The following KCNMA1 variants were observed in gnomAD, a reference collection of about 807,000 sequenced individuals.
KCNMA1 encodes potassium calcium-activated channel subfamily M alpha 1, also known as Calcium-activated potassium channel subunit alpha-1.
Under a neutral mutation model 140.0 loss-of-function variants are expected in KCNMA1, and 29 were observed. That is an observed-to-expected ratio of 0.21 (90% CI 0.15 to 0.28). The LOEUF (loss-of-function observed/expected upper bound fraction) is 0.28, where lower values mean the gene tolerates loss of function less well. KCNMA1 is among the 10% of genes least tolerant of loss of function. The pLI is 1.00. For synonymous variants in KCNMA1, 612 were observed against 611.9 expected, an observed-to-expected ratio of 1.00 and a Z score of 0.00; for missense variants, 880 against 1,602.2, an observed-to-expected ratio of 0.55 and a Z score of 7.70.
At chr10:77,094,699 T>G (rs1455854620) in intron 9 of KCNMA1, among the ~76,000 whole-genome samples, 1 of 152,152 alleles carries the variant, frequency 6.6e-6, no homozygotes, top group African/African-American at 2.4e-5. Context: ...TATTTTATAT[T>G]ATATTTTATT....
At chr10:76,946,631 G>GAGAAT (rs2064048432) in intron 22 of KCNMA1, among the ~76,000 whole-genome samples, 1 of 152,200 alleles carries the variant, frequency 6.6e-6, no homozygotes, top group African/African-American at 2.4e-5. Context: ...TTGAGAGAAG[G>GAGAAT]AGAATGCCCT....
intron 1 of KCNMA1, among the ~76,000 whole-genome samples, chr10:77,517,523 C>T (rs936057767): frequency 6.6e-6 from 1 of 152,186 alleles, no homozygotes; most frequent in South Asian, 2.1e-4. Context: ...AGCAGCCAGG[C>T]TGGGGATGCT....
chr10:77,182,923 A>G (rs1022866464), intron 5 of KCNMA1, among the ~76,000 whole-genome samples: 5 of 152,308 alleles, frequency 3.3e-5, no homozygotes, highest in Middle Eastern at 3.4e-3. Context: ...AGTCTCCTGT[A>G]AGGTGAGAGA....
chr10:77,271,588 T>G (rs191055414), intron 2 of KCNMA1, among the ~76,000 whole-genome samples: 87 of 152,338 alleles, frequency 5.7e-4, no homozygotes, highest in African/African-American at 1.9e-3. Context: ...TTAATATGTT[T>G]GTAAAACACT....
intron 19 of KCNMA1, among the ~76,000 whole-genome samples, chr10:76,981,596 G>C (rs1186194805): frequency 6.6e-6 from 1 of 152,184 alleles, no homozygotes; most frequent in African/African-American, 2.4e-5. Context: ...TGGCGGGGTA[G>C]AGAGGCAGTG....
intron 18 of KCNMA1, among the ~76,000 whole-genome samples, chr10:77,006,544 T>C (rs1187858145): frequency 3.3e-5 from 5 of 152,208 alleles, no homozygotes; most frequent in African/African-American, 4.8e-5. Flanking sequence ...AGAAATGATG[T>C]CTTCACTTAG....
intron 1 of KCNMA1, among the ~76,000 whole-genome samples, chr10:77,419,495 G>A (rs1047031462): frequency 3.9e-5 from 6 of 152,146 alleles, no homozygotes; most frequent in African/African-American, 1.2e-4. Flanking sequence ...TAGGCAGAAA[G>A]AGTTGTTACT....
At chr10:77,279,881 A>C (rs1285827350) in intron 2 of KCNMA1, among the ~76,000 whole-genome samples, 1 of 152,148 alleles carries the variant, frequency 6.6e-6, no homozygotes, top group Admixed American at 6.5e-5. Flanking sequence ...GCTTTCTGTC[A>C]TGATTGTGAG....
intron 3 of KCNMA1, among the ~76,000 whole-genome samples, chr10:77,186,776 A>AGTGTGTGTGTGTGT (rs1565084288): frequency 2.2e-5 from 2 of 89,952 alleles, no homozygotes; most frequent in African/African-American, 9.4e-5. Context: ...CTAAAGAGTA[A>AGTGTGTGTGTGTGT]ATGTGTGTGT....
intron 1 of KCNMA1, among the ~76,000 whole-genome samples, chr10:77,461,280 C>A (rs957145007): frequency 6.0e-5 from 9 of 151,236 alleles, no homozygotes; most frequent in African/African-American, 2.2e-4. Flanking sequence ...CTTTTCTTAG[C>A]CACATCCTTA....
intron 1 of KCNMA1, among the ~76,000 whole-genome samples, chr10:77,579,683 C>T (rs1242558590): frequency 1.3e-5 from 2 of 152,054 alleles, no homozygotes; most frequent in South Asian, 2.1e-4. Context: ...ATCTGGGTTA[C>T]GTCTTCAAGA....
intron 1 of KCNMA1, among the ~76,000 whole-genome samples, chr10:77,468,914 C>T (rs1173724449): frequency 2.0e-5 from 3 of 152,278 alleles, no homozygotes; most frequent in South Asian, 2.1e-4. Context: ...CCAACCTGGT[C>T]TCTGCATGCT....
chr10:76,933,487 A>G (rs2059775258), intron 23 of KCNMA1, among the ~76,000 whole-genome samples: 1 of 152,228 alleles, frequency 6.6e-6, no homozygotes, highest in African/African-American at 2.4e-5. Context: ...TGGTTATACC[A>G]TTAGTACACA....
chr10:77,573,135 C>T (rs1024885440), intron 1 of KCNMA1, among the ~76,000 whole-genome samples: 2 of 152,150 alleles, frequency 1.3e-5, no homozygotes, highest in African/African-American at 4.8e-5. Flanking sequence ...CTCAAAATAT[C>T]TTATATTTAA....
chr10:77,330,019 T>G (rs1458822994), intron 2 of KCNMA1, among the ~76,000 whole-genome samples: 1 of 152,340 alleles, frequency 6.6e-6, no homozygotes, highest in Non-Finnish European at 1.5e-5. Context: ...TTATTGTTGT[T>G]GTTCCAAATT....
chr10:77,180,008 G>A (rs2154118432), intron 5 of KCNMA1, among the ~76,000 whole-genome samples: 1 of 152,306 alleles, frequency 6.6e-6, no homozygotes, highest in South Asian at 2.1e-4. Flanking sequence ...AACACGGTGT[G>A]GGGAGCGTTC....
intron 1 of KCNMA1, among the ~76,000 whole-genome samples, chr10:77,535,545 A>T (rs952884957): frequency 6.6e-5 from 10 of 152,226 alleles, no homozygotes; most frequent in Non-Finnish European, 1.3e-4. Context: ...ACTGCTGGGT[A>T]TATACCCAAA....
intron 2 of KCNMA1, among the ~76,000 whole-genome samples, chr10:77,299,346 A>G (rs2076016009): frequency 6.6e-6 from 1 of 152,194 alleles, no homozygotes; most frequent in African/African-American, 2.4e-5. Flanking sequence ...TAAAGCTTGC[A>G]GTGAGGGTCC....
intron 5 of KCNMA1, among the ~76,000 whole-genome samples, chr10:77,147,347 T>C (rs953679345): frequency 6.6e-6 from 1 of 152,240 alleles, no homozygotes; most frequent in Non-Finnish European, 1.5e-5. Context: ...AAAGATGCTT[T>C]GCTTGGTCTC....
Sources: allele counts gnomAD v4.1 joint callset (sites outside exome capture counted in the v4.1 genomes callset), GRCh38; gene constraint gnomAD v4.1.1; transcripts MANE v1.5; gene names NCBI Gene and HGNC (gene_info 2026-07-23, HGNC 2026-07-21).